Variants in GLIS3 observed in about 807,000 individuals in gnomAD.
The protein encoded by GLIS3 is GLIS family zinc finger 3.
Under a neutral mutation model 78.6 loss-of-function variants are expected in GLIS3, and 53 were observed. The ratio of observed to expected loss-of-function variants is 0.67; its 90% CI spans 0.54 to 0.85. GLIS3 has a LOEUF of 0.85. Ranked by LOEUF, GLIS3 falls within the 40% of genes least tolerant of loss-of-function variation. The pLI, the probability that GLIS3 is intolerant of heterozygous loss-of-function variation, is 0.00. For missense variants in GLIS3, 1,703 were observed against 1,231.1 expected (o/e 1.38, Z -5.74); for synonymous variants, 684 against 509.9 (o/e 1.34, Z -4.60).
At chr9:4,447,600 G>A in the GLIS3 span, among the ~76,000 whole-genome samples, 1 of 152,114 alleles carries the variant, frequency 6.6e-6, no homozygotes, top group Non-Finnish European at 1.5e-5. Context: ...CTTCATTCTT[G>A]CTTAGAAGTG....
At chr9:4,178,867 T>C (rs1817027696) in intron 2 of GLIS3, among the ~76,000 whole-genome samples, 1 of 152,190 alleles carries the variant, frequency 6.6e-6, no homozygotes, top group Admixed American at 6.5e-5. Context: ...GCATAAACAT[T>C]AGTTATTTAA....
At chr9:4,332,577 G>A (rs1356194846) in intron 2 of GLIS3, among the ~76,000 whole-genome samples, 1 of 152,250 alleles carries the variant, frequency 6.6e-6, no homozygotes, top group African/African-American at 2.4e-5. Context: ...ATTGAAGACA[G>A]CAGAGCAGAC....
In GLIS3 at chr9:4,029,167, A is replaced by C. The variant is rs898776704; in HGVS notation, c.1710+88601T>G. The stretch of plus-strand genomic sequence containing the variant: ...TTACTGATAGCCTCCTCAATACCTT[A>C]AAAACTACCTGTGAAACCCTTGGAA... On this transcript the variant is annotated intron_variant, in intron 4 of 10. Coordinates refer to ENST00000381971, the MANE Select transcript of GLIS3 (RefSeq NM_001042413.2). 8.1e-4 allele frequency among the ~76,000 whole-genome samples: 123 copies of C among 152,230 alleles called. 3 individuals are homozygous for C. The highest frequency in any genetic ancestry group is 1.0e-4 in the Non-Finnish European group (7 of 68,042).
chr9:4,398,232 C>T, the GLIS3 span, among the ~76,000 whole-genome samples: 1 of 151,718 alleles, frequency 6.6e-6, no homozygotes, highest in Non-Finnish European at 1.5e-5. Context: ...TTTTTAATAT[C>T]ATTACACAAT....
At chr9:3,837,614 T>C (rs1423013074) in intron 9 of GLIS3, among the ~76,000 whole-genome samples, 1 of 152,170 alleles carries the variant, frequency 6.6e-6, no homozygotes, top group Non-Finnish European at 1.5e-5. Context: ...TATTAAGCCA[T>C]GAAAAGACAC....
At chr9:4,308,427 C>T (rs941414968) in intron 4 of GLIS3, among the ~76,000 whole-genome samples, 1 of 152,038 alleles carries the variant, frequency 6.6e-6, no homozygotes, top group Non-Finnish European at 1.5e-5. Context: ...TGGAGGAGGA[C>T]ACAGAAGCTA....
intron 4 of GLIS3, among the ~76,000 whole-genome samples, chr9:4,086,651 T>C (rs1436721048): frequency 6.6e-6 from 1 of 152,216 alleles, no homozygotes; most frequent in African/African-American, 2.4e-5. Flanking sequence ...CCACTGTATG[T>C]CCTTTTGGAG....
chr9:4,321,421 C>A (rs866255830), intron 2 of GLIS3, among the ~76,000 whole-genome samples: 2 of 16,304 alleles, frequency 1.2e-4, no homozygotes, highest in Admixed American at 7.3e-4. Context: ...GACTCCGTCT[C>A]AAAAAAAAAA....
Position 4,285,203 on chromosome 9 carries a change from G to A in GLIS3, c.388+835C>T, listed in dbSNP as rs189411870. Among the ~76,000 whole-genome samples the A allele has an allele frequency of 8.5e-4, 130 of 152,244 alleles. 1 individual carries two copies. In the South Asian group the frequency reaches 0.018, roughly 21 times the overall value. On this transcript the variant is annotated intron_variant, in intron 2 of 10. Transcript: ENST00000381971. ...ATATATAATTGTGCTATTTTATACA[G>A]CAAAGCTATATTTTACGTGGGGTGC...
chr9:4,020,700 C>T (rs1054859837), intron 4 of GLIS3, among the ~76,000 whole-genome samples: 2 of 152,184 alleles, frequency 1.3e-5, no homozygotes, highest in South Asian at 2.1e-4. Context: ...GCATTTTAGA[C>T]TTCTCCCAAT....
At chr9:4,093,555 C>A (rs142870922) in intron 4 of GLIS3, among the ~76,000 whole-genome samples, 219 of 152,320 alleles carry the variant, frequency 1.4e-3, no homozygotes, top group Middle Eastern at 3.4e-3. Flanking sequence ...GGTTTTCTAG[C>A]ACATTTTAAA....
chr9:4,190,164 C>T (rs1387817357), intron 2 of GLIS3, among the ~76,000 whole-genome samples: 9 of 152,286 alleles, frequency 5.9e-5, no homozygotes, highest in South Asian at 4.1e-4. Flanking sequence ...TCACCAGCAA[C>T]GGAACAAAGC....
chr9:4,470,913 A>G, the GLIS3 span, among the ~76,000 whole-genome samples: 13 of 152,096 alleles, frequency 8.5e-5, no homozygotes, highest in African/African-American at 3.1e-4. Flanking sequence ...AAGTCTCAGG[A>G]TACAAAAATC....
At chr9:3,869,639 G>T (rs937288930) in intron 8 of GLIS3, among the ~76,000 whole-genome samples, 2 of 152,156 alleles carry the variant, frequency 1.3e-5, no homozygotes, top group Non-Finnish European at 2.9e-5. Flanking sequence ...GGGAATTGTT[G>T]CTTTCTGGAA....
rs555126496 is a variant in GLIS3 at position 3,946,973 on chromosome 9, C to T, written c.1711-9784G>A. 2.4e-3 allele frequency among the ~76,000 whole-genome samples: 340 copies of T among 143,490 alleles called. 2 individuals carry two copies. The highest frequency in any genetic ancestry group is 3.8e-3 in the African/African-American group (157 of 40,912). The allele number at this position is 143,490 out of a possible 152,430, so 94.1% of individuals were successfully genotyped here. A position where few individuals can be genotyped will look rare whatever the true frequency, so the allele number is the denominator to read the frequency against. On this transcript the variant is annotated intron_variant, in intron 4 of 10. Transcript: ENST00000381971. ...AAACAGCAGGTCAAGCAGTTTCCCA[C>T]GACGCCACGCCTCTGTCGGCCATCC...
chr9:4,024,167 T>C (rs1273108723), intron 4 of GLIS3, among the ~76,000 whole-genome samples: 1 of 152,166 alleles, frequency 6.6e-6, no homozygotes, highest in Non-Finnish European at 1.5e-5. Context: ...AATTCTCTAA[T>C]AGCCAGTCAA....
At chr9:3,920,000 G>GTTTTT (rs35461429) in intron 6 of GLIS3, among the ~76,000 whole-genome samples, 2 of 79,608 alleles carry the variant, frequency 2.5e-5, no homozygotes, top group African/African-American at 8.6e-5. Context: ...TGCTATTACA[G>GTTTTT]TTTTTTTTTT....
rs115229146 is a variant in GLIS3 at position 4,158,274 on chromosome 9, G to A, written c.389-32333C>T. On this transcript the variant is annotated intron_variant, in intron 2 of 10. Coordinates refer to ENST00000381971, the MANE Select transcript of GLIS3 (RefSeq NM_001042413.2). ...GACGAGCTTTTAGCAACTTTCTGTA[G>A]CATGAAAGAGACGTTTTCAGTAAAC... Among the ~76,000 whole-genome samples, 443 of 152,176 alleles carry A rather than the reference G, an allele frequency of 2.9e-3. 1 individual carries two copies. Among genetic ancestry groups the A allele is most frequent in the African/African-American group, 1.0e-2 (414 of 41,508 alleles).
chr9:4,129,548 C>A (rs1045051937), intron 2 of GLIS3, among the ~76,000 whole-genome samples: 1 of 152,104 alleles, frequency 6.6e-6, no homozygotes, highest in Non-Finnish European at 1.5e-5. Flanking sequence ...GCACCTCCCC[C>A]TCTCTCTCTT....
Sources: gnomAD v4.1 joint callset for allele counts (sites outside exome capture counted in the v4.1 genomes callset) on GRCh38, gnomAD v4.1.1 for gene constraint, MANE v1.5 for transcripts, NCBI Gene and HGNC (gene_info 2026-07-23, HGNC 2026-07-21) for gene names.